Variants in EP300 observed in about 807,000 individuals in gnomAD.
EP300 encodes EP300 lysine acetyltransferase.
A neutral mutation model predicts 264.0 loss-of-function variants in EP300; 31 were observed. The observed-to-expected ratio is 0.12, with a 90% CI of 0.09 to 0.16. EP300 has a LOEUF of 0.16. Among genes scored for constraint, EP300 ranks in the 10% least tolerant of loss-of-function variants. The pLI is 1.00. For synonymous variants in EP300, 1,340 were observed against 1,045.4 expected, an observed-to-expected ratio of 1.28 and a Z score of -5.44; for missense variants, 2,766 against 3,052.9, an observed-to-expected ratio of 0.91 and a Z score of 2.21.
intron 1 of EP300, among the ~76,000 whole-genome samples, chr22:41,108,561 T>C (rs1044410188): frequency 6.6e-6 from 1 of 152,216 alleles, no homozygotes; most frequent in Non-Finnish European, 1.5e-5. Flanking sequence ...TGCTAAACTT[T>C]TCACATCAGA....
At chr22:41,123,442 C>A (rs1345328746) in intron 2 of EP300, among the ~76,000 whole-genome samples, 2 of 152,072 alleles carry the variant, frequency 1.3e-5, no homozygotes, top group Non-Finnish European at 2.9e-5. Context: ...TTTATAGAGG[C>A]AGGTGAAAAC....
In EP300 at chr22:41,140,120, G is replaced by T; in HGVS notation, c.1761-20G>T. 2 of 1,527,660 alleles carry T rather than the reference G, an allele frequency of 1.3e-6. No homozygotes were observed. Among genetic ancestry groups the T allele is most frequent in the Non-Finnish European group, 1.8e-6 (2 of 1,101,390 alleles). 94.6% of individuals were successfully genotyped at this position (1,527,660 alleles called of 1,614,324 possible). A position where few individuals can be genotyped will look rare whatever the true frequency, so the allele number is the denominator to read the frequency against. Reference sequence around the variant, plus strand: ...TAAATGCTGACATGATATTACAGTGGTAGGATTTTCTTTTTCCAGCGTCCA... The same window carrying T: ...TAAATGCTGACATGATATTACAGTGTTAGGATTTTCTTTTTCCAGCGTCCA... On this transcript the variant is annotated intron_variant, in intron 8 of 30. Transcript: ENST00000263253.
Position 41,131,369 on chromosome 22 carries a change from T to G in EP300, c.1283-19T>G. 1.2e-6 allele frequency: 2 copies of G among 1,612,198 alleles called. No individual in the cohort carries two copies. The highest frequency in any genetic ancestry group is 1.3e-5 in the African/African-American group (1 of 74,534). On this transcript the variant is annotated intron_variant, in intron 5 of 30. Transcript: ENST00000263253. ...TCACCAGCATTAATTTGTAATACTA[T>G]ATCTTTTGTCTTCTCTAGCAATTTT... is the stretch of plus-strand genomic sequence containing the variant.
At chr22:41,130,165 T>G (rs757558339) in intron 5 of EP300, among the ~76,000 whole-genome samples, 162 bp downstream of exon 5, 4 of 151,840 alleles carry the variant, frequency 2.6e-5, no homozygotes, top group Non-Finnish European at 4.4e-5. Flanking sequence ...TGCATAGAAT[T>G]GAACTGCTTA....
At chr22:41,152,421 T>G in intron 16 of EP300, 71 bp downstream of exon 16, 45 of 1,547,902 alleles carry the variant, frequency 2.9e-5, no homozygotes, top group Non-Finnish European at 3.8e-5. Flanking sequence ...ATTGCGGTCA[T>G]GCCTCTTGGG....
At chr22:41,175,992 G>A in intron 29 of EP300, 1 of 514,838 alleles carries the variant, frequency 1.9e-6, no homozygotes, top group Admixed American at 3.2e-5. Flanking sequence ...GGCTGAGGCA[G>A]GCAGATCACT....
At position 41,179,874 on chromosome 22, in the gene EP300, CCCCACTCACACACACA is replaced by C; in HGVS notation, c.*920_*935del. ...TTGCTTTCTTCCTCCTTACCCTACC[CCCCACTCACACACACA>C]CACACACACACACACACACACACAC... On this transcript the variant is annotated 3_prime_UTR_variant, in exon 31 of 31. Transcript: ENST00000263253. The C allele has an allele frequency of 6.5e-6, 1 of 153,264 alleles. No individual in the cohort carries two copies. The highest frequency in any genetic ancestry group is 3.1e-5 in the African/African-American group (1 of 32,758). The allele number at this position is 153,264 out of a possible 1,614,324, so 9.5% of individuals were successfully genotyped here.
At chr22:41,173,535 T>G in intron 28 of EP300, 88 bp from the exon 29 acceptor site, 2 of 1,310,682 alleles carry the variant, frequency 1.5e-6, no homozygotes, top group Non-Finnish European at 2.2e-6. Context: ...TTATGATATC[T>G]AGTTTCAAAG....
chr22:41,146,081 A>G (rs1174320663), intron 10 of EP300, among the ~76,000 whole-genome samples: 3 of 151,900 alleles, frequency 2.0e-5, no homozygotes, highest in African/African-American at 4.8e-5. Flanking sequence ...ATTCATAGCT[A>G]TTATCCATGG....
At chr22:41,167,814 G>GGTTTTTTTTTTGTTTTTTTTTTTT (rs71328778) in intron 23 of EP300, among the ~76,000 whole-genome samples, 1 of 66,208 alleles carries the variant, frequency 1.5e-5, no homozygotes, top group Non-Finnish European at 2.6e-5. Context: ...GTTTGTTTTT[G>GGTTTTTTTTTTGTTTTTTTTTTTT]TTTTTTTTTT....
rs1334155887 is a variant in EP300 at position 41,177,367 on chromosome 22, T to G, written c.5656T>G (p.Tyr1886Asp). 6.2e-7 allele frequency: 1 copy of G among 1,613,824 alleles called. No individual in the cohort carries two copies. Among genetic ancestry groups the G allele is most frequent in the South Asian group, 1.1e-5 (1 of 91,074 alleles). Residue 1886 changes from tyrosine to aspartate, a missense_variant, in exon 31 of 31, where the codon TAC (tyrosine) becomes GAC (aspartate). Transcript: ENST00000263253. ...TACCCCTCCCAATAGCATGCCACCC[T>G]ACTTGCCCAGGACTCAAGCTGCTGG... is the stretch of plus-strand genomic sequence containing the variant. ...QPTPPNSMPP[Y>D]LPRTQAAGPV...
rs1364570046 is a variant in EP300 at position 41,158,480 on chromosome 22, T to C, written c.3570T>C (p.Thr1190=). The C allele has an allele frequency of 1.2e-6, 2 of 1,614,028 alleles. No homozygotes were observed. The highest frequency in any genetic ancestry group is 1.7e-6 in the Non-Finnish European group (2 of 1,179,986). The change falls in exon 19 of 31, where the codon ACT becomes ACC. Residue 1190 remains threonine, a synonymous_variant. Coordinates refer to ENST00000263253, the MANE Select transcript of EP300 (RefSeq NM_001429.4). ...KQLCTIPRDA[T]YYSYQNRYHF... Reference sequence around the variant, plus strand: ...TGTGCACAATACCTCGTGATGCCACTTATTACAGTTACCAGAACAGGTAAG... The same window carrying C: ...TGTGCACAATACCTCGTGATGCCACCTATTACAGTTACCAGAACAGGTAAG...
In EP300 at chr22:41,177,999, T is replaced by G. The variant is rs750769421; in HGVS notation, c.6288T>G (p.Asn2096Lys). 1.1e-5 allele frequency: 17 copies of G among 1,613,914 alleles called. No individual in the cohort carries two copies. Among genetic ancestry groups the G allele is most frequent in the Non-Finnish European group, 1.4e-5 (16 of 1,179,996 alleles). ...KQRAAKYANS[N>K]PQPIPGQPGM... ...GGGCTGCCAAGTATGCCAACTCTAA[T>G]CCACAACCCATCCCTGGGCAGCCTG... Residue 2096 changes from asparagine to lysine, a missense_variant, in exon 31 of 31, where the codon AAT becomes AAG. Coordinates refer to ENST00000263253, the MANE Select transcript of EP300 (RefSeq NM_001429.4).
intron 8 of EP300, among the ~76,000 whole-genome samples, chr22:41,138,922 C>G (rs78539897): frequency 0.018 from 2,763 of 152,018 alleles, 79 homozygotes; most frequent in African/African-American, 0.064. Flanking sequence ...CCCATGCTTG[C>G]TAATCATTTA....
intron 1 of EP300, among the ~76,000 whole-genome samples, chr22:41,097,854 C>G (rs2058710398): frequency 1.3e-5 from 2 of 151,980 alleles, no homozygotes; most frequent in Admixed American, 1.3e-4. Context: ...GCCACCATGC[C>G]CAGCTAATTT....
At chr22:41,165,179 A>G (rs2059127512) in intron 22 of EP300, among the ~76,000 whole-genome samples, 1 of 152,298 alleles carries the variant, frequency 6.6e-6, no homozygotes, top group Non-Finnish European at 1.5e-5. Flanking sequence ...TTTCCTTAAC[A>G]GATTTCGTAA....
rs573526577 is a variant in EP300, at chr22:41,107,441, A to G, written c.95-9746A>G. Among the ~76,000 whole-genome samples the G allele has an allele frequency of 1.3e-4, 20 of 152,064 alleles. No individual in the cohort carries two copies. The South Asian group carries it at 3.9e-3, about 30-fold the overall frequency. Reference sequence around the variant, plus strand: ...TTTAAGTAAAAAAAAAAAAAAGTGTAACTGTGAGAGATACTAATATAGTAG... The same window carrying G: ...TTTAAGTAAAAAAAAAAAAAAGTGTGACTGTGAGAGATACTAATATAGTAG... On this transcript the variant is annotated intron_variant, in intron 1 of 30. Coordinates refer to ENST00000263253, the MANE Select transcript of EP300 (RefSeq NM_001429.4).
At position 41,178,567 on chromosome 22, in the gene EP300, C is replaced by T. The variant is rs1338889339; in HGVS notation, c.6856C>T (p.Pro2286Ser). Residue 2286 changes from proline to serine, a missense_variant, in exon 31 of 31, where the codon CCA (proline) becomes TCA (serine). Coordinates refer to ENST00000263253, the MANE Select transcript of EP300 (RefSeq NM_001429.4). ...CATGAGCCCCCAGCAGCATATGCTC[C>T]CAAATCAGGCCCAGTCCCCACACCT... Reference protein sequence around the residue: ...NPMSPQQHMLPNQAQSPHLQG... With the variant: ...NPMSPQQHMLSNQAQSPHLQG... The T allele has an allele frequency of 6.2e-7, 1 of 1,614,098 alleles. No individual in the cohort carries two copies.
At chr22:41,139,228 A>G (rs1400796601) in intron 8 of EP300, among the ~76,000 whole-genome samples, 5 of 152,206 alleles carry the variant, frequency 3.3e-5, no homozygotes, top group Non-Finnish European at 1.5e-5. Context: ...GGCTGGGATT[A>G]TAGGCGTTGA....
Sources: gnomAD v4.1 joint callset for allele counts (sites outside exome capture counted in the v4.1 genomes callset) on GRCh38, gnomAD v4.1.1 for gene constraint, MANE v1.5 for transcripts, NCBI Gene and HGNC (gene_info 2026-07-23, HGNC 2026-07-21) for gene names.